GAPVD1: variants seen among roughly 807,000 people sequenced by gnomAD.
GAPVD1 encodes GTPase activating protein and VPS9 domains 1.
GAPVD1 carries 35 observed loss-of-function variants against 155.5 expected under a neutral mutation model. The observed-to-expected ratio is 0.23, with a 90% confidence interval of 0.17 to 0.30. The LOEUF (loss-of-function observed/expected upper bound fraction) is 0.30, where lower values mean the gene tolerates loss of function less well. Among genes scored for constraint, GAPVD1 ranks in the 10% least tolerant of loss-of-function variants. The probability of loss-of-function intolerance (pLI) is 1.00; values close to 1 mark genes in which losing one functional copy is unlikely to be tolerated. For synonymous variants in GAPVD1, 636 were observed against 619.7 expected, an observed-to-expected ratio of 1.03 and a Z score of -0.39; for missense variants, 1,429 against 1,775.7, an observed-to-expected ratio of 0.80 and a Z score of 3.51.
intron 2 of GAPVD1, among the ~76,000 whole-genome samples, chr9:125,289,867 C>T (rs771789126): frequency 6.6e-6 from 1 of 152,036 alleles, no homozygotes; most frequent in Non-Finnish European, 1.5e-5. Flanking sequence ...GAAGATTGAG[C>T]CTTGGGGTAA....
intron 2 of GAPVD1, among the ~76,000 whole-genome samples, chr9:125,271,104 T>G (rs191613796): frequency 2.6e-4 from 40 of 151,932 alleles, no homozygotes; most frequent in African/African-American, 6.0e-4. Context: ...CTAATACTCT[T>G]TGTGTGTGTG....
Position 125,354,749 on chromosome 9 carries a change from G to A in GAPVD1, c.3665G>A (p.Arg1222Gln). Reference protein sequence around the residue: ...HLERLLQRVLRDKEVANRYFT... With the variant: ...HLERLLQRVLQDKEVANRYFT... ...GAAAGGCTATTGCAAAGAGTTTTGCGGGACAAAGAAGTGGCCAATCGATAC... is the reference window on the plus strand; with the variant it reads ...GAAAGGCTATTGCAAAGAGTTTTGCAGGACAAAGAAGTGGCCAATCGATAC... Residue 1222 changes from arginine to glutamine, a missense_variant, in exon 24 of 28, where the codon CGG becomes CAG. By Grantham distance (43) the Arg-to-Gln change is conservative. Transcript: ENST00000297933. 4.3e-6 allele frequency: 7 copies of A among 1,613,568 alleles called. No homozygotes were observed. Among genetic ancestry groups the A allele is most frequent in the Non-Finnish European group, 5.9e-6 (7 of 1,179,486 alleles).
Position 125,360,728 on chromosome 9 carries a change from G to C in GAPVD1, c.4242+3G>C. 1 of 1,611,548 alleles carries C rather than the reference G, an allele frequency of 6.2e-7. No homozygotes were observed. The highest frequency in any genetic ancestry group is 1.1e-5 in the South Asian group (1 of 90,988). ...TGTTGGTGTTTGTGTTGATAAAGGTGGGCCCCTTACTACTATCAGTTAAGG... is the reference window on the plus strand; with the variant it reads ...TGTTGGTGTTTGTGTTGATAAAGGTCGGCCCCTTACTACTATCAGTTAAGG... On this transcript the variant is annotated splice_donor_region_variant and intron_variant, in intron 27 of 27. Transcript: ENST00000297933.
intron 26 of GAPVD1, 51 bp from the exon 27 acceptor site, chr9:125,360,477 C>T (rs1207292982): frequency 4.8e-6 from 7 of 1,458,710 alleles, no homozygotes; most frequent in Non-Finnish European, 6.7e-6. Flanking sequence ...AGTCACTGCG[C>T]AGGGTTGCCA....
At position 125,360,870 on chromosome 9, in the gene GAPVD1, T is replaced by C. The variant is rs1850807799; in HGVS notation, c.4242+145T>C. The C allele has an allele frequency of 4.6e-6, 3 of 647,998 alleles. No individual in the cohort carries two copies. In the South Asian group the frequency reaches 5.7e-5, roughly 12 times the overall value. 40.1% of individuals were successfully genotyped at this position (647,998 alleles called of 1,614,324 possible). A position where few individuals can be genotyped will look rare whatever the true frequency, so the allele number is the denominator to read the frequency against. On this transcript the variant is annotated intron_variant, in intron 27 of 27. Coordinates refer to ENST00000297933, the MANE Select transcript of GAPVD1 (RefSeq NM_001282680.3). ...GAAAGAAAGTGCCTAATGTCAAGAT[T>C]TGTTCTTTTGAGACAGAATCTCACT...
chr9:125,312,893 T>C (rs944358303), intron 9 of GAPVD1, among the ~76,000 whole-genome samples: 6 of 152,154 alleles, frequency 3.9e-5, no homozygotes, highest in Non-Finnish European at 1.5e-5. Context: ...CGATCTCAGC[T>C]CACTGCAACC....
At chr9:125,352,797 GCT>G (rs1849494776) in intron 23 of GAPVD1, among the ~76,000 whole-genome samples, 1 of 152,154 alleles carries the variant, frequency 6.6e-6, no homozygotes, top group Admixed American at 6.5e-5. Context: ...GAACGTTTAT[GCT>G]CTGTTTCCCT....
chr9:125,332,390 C>G, intron 14 of GAPVD1, 120 bp from the exon 15 acceptor site: 2 of 748,008 alleles, frequency 2.7e-6, no homozygotes, highest in African/African-American at 1.7e-5. Context: ...ATACTAAACT[C>G]ACATGTATAG....
In GAPVD1 at chr9:125,268,999, A is replaced by T. The variant is rs920589540; in HGVS notation, c.-150+15A>T. ...GAATCTCAAAGGTAAAGTATGATTTAAAAATATTTTTTTAAAATAATTTTT... is the reference window on the plus strand; with the variant it reads ...GAATCTCAAAGGTAAAGTATGATTTTAAAATATTTTTTTAAAATAATTTTT... On this transcript the variant is annotated intron_variant, in intron 2 of 27. Transcript: ENST00000297933. 6.6e-6 allele frequency: 1 copy of T among 151,986 alleles called. No homozygotes were observed. Among genetic ancestry groups the T allele is most frequent in the Non-Finnish European group, 1.5e-5 (1 of 68,032 alleles). 9.4% of individuals were successfully genotyped at this position (151,986 alleles called of 1,614,324 possible). A position where few individuals can be genotyped will look rare whatever the true frequency, so the allele number is the denominator to read the frequency against.
At chr9:125,317,102 G>A (rs1301789377) in intron 9 of GAPVD1, among the ~76,000 whole-genome samples, 1 of 151,822 alleles carries the variant, frequency 6.6e-6, no homozygotes, top group East Asian at 1.9e-4. Flanking sequence ...GGCTGTTCAT[G>A]AGGTCAGGAG....
intron 2 of GAPVD1, among the ~76,000 whole-genome samples, chr9:125,270,815 T>C (rs1399864099): frequency 1.3e-5 from 2 of 151,944 alleles, no homozygotes; most frequent in Non-Finnish European, 2.9e-5. Context: ...TAGTGGCACA[T>C]GCCTGTAATC....
At chr9:125,291,658 T>G (rs1249927753) in intron 2 of GAPVD1, among the ~76,000 whole-genome samples, 1 of 152,040 alleles carries the variant, frequency 6.6e-6, no homozygotes, top group Non-Finnish European at 1.5e-5. Flanking sequence ...TGAAATGAGA[T>G]TCAAAGCTGG....
intron 22 of GAPVD1, 81 bp from the exon 23 acceptor site, chr9:125,350,632 T>G (rs1849162861): frequency 1.2e-6 from 1 of 839,566 alleles, no homozygotes; most frequent in African/African-American, 1.7e-5. Flanking sequence ...AAAGCAGAAT[T>G]GACGTCCCAA....
At chr9:125,358,842 C>T (rs1564475897) in intron 25 of GAPVD1, among the ~76,000 whole-genome samples, 3 of 152,180 alleles carry the variant, frequency 2.0e-5, no homozygotes, top group South Asian at 2.1e-4. Flanking sequence ...CCCCACCCTC[C>T]GTGGCATTTC....
chr9:125,267,514 A>C (rs1379803176), intron 1 of GAPVD1, among the ~76,000 whole-genome samples: 2 of 151,936 alleles, frequency 1.3e-5, no homozygotes, highest in East Asian at 3.9e-4. Flanking sequence ...CTGCCTTCTG[A>C]TTCTCCTGCC....
chr9:125,263,620 C>G (rs1833336130), intron 1 of GAPVD1: 1 of 1,353,606 alleles, frequency 7.4e-7, no homozygotes, highest in Non-Finnish European at 1.0e-6. Context: ...CCAAATCCGT[C>G]TCAACTGGAA....
At chr9:125,311,701 A>G (rs531059731) in intron 8 of GAPVD1, among the ~76,000 whole-genome samples, 1 of 150,570 alleles carries the variant, frequency 6.6e-6, no homozygotes, top group East Asian at 1.9e-4. Flanking sequence ...TTAGGTTTTC[A>G]TATAAAATTT....
chr9:125,277,971 T>C (rs118155363), intron 2 of GAPVD1, among the ~76,000 whole-genome samples: 3,523 of 152,246 alleles, frequency 0.023, 59 homozygotes, highest in South Asian at 0.036. Context: ...CCTGAACTTG[T>C]CAATTTTTTG....
At chr9:125,338,832 T>C (rs1847403488) in intron 17 of GAPVD1, among the ~76,000 whole-genome samples, 1 of 152,228 alleles carries the variant, frequency 6.6e-6, no homozygotes, top group South Asian at 2.1e-4. Flanking sequence ...GGGGAGAGGG[T>C]ACTTTAAAAA....
Sources: allele counts gnomAD v4.1 joint callset (sites outside exome capture counted in the v4.1 genomes callset), GRCh38; gene constraint gnomAD v4.1.1; transcripts MANE v1.5; gene names NCBI Gene and HGNC (gene_info 2026-07-23, HGNC 2026-07-21).